TRIO: variants seen among roughly 807,000 people sequenced by gnomAD.
TRIO encodes trio Rho guanine nucleotide exchange factor, also known as triple functional domain protein.
TRIO carries 58 observed loss-of-function variants against 351.9 expected under a neutral mutation model. That is an observed-to-expected ratio of 0.16 (90% CI 0.13 to 0.21). The LOEUF (loss-of-function observed/expected upper bound fraction) is 0.21. Ranked by LOEUF, TRIO falls within the 10% of genes least tolerant of loss-of-function variation. The pLI is 1.00. For missense variants in TRIO, 3,201 were observed against 4,027.8 expected (o/e 0.79, Z 5.56); for synonymous variants, 1,758 against 1,595.7 (o/e 1.10, Z -2.42).
intron 1 of TRIO, among the ~76,000 whole-genome samples, chr5:14,182,823 A>G (rs1429580124): frequency 6.6e-6 from 1 of 151,476 alleles, no homozygotes; most frequent in East Asian, 2.0e-4. Flanking sequence ...CTGATTTTCC[A>G]GAGATTTCCT....
At chr5:14,251,864 A>G (rs1482066705) in intron 1 of TRIO, among the ~76,000 whole-genome samples, 4 of 152,008 alleles carry the variant, frequency 2.6e-5, no homozygotes, top group Non-Finnish European at 4.4e-5. Context: ...TTTTCTCTCT[A>G]CAACCTGAGA....
chr5:14,414,158 C>CTTCCCCGCCCTCGTTCCCTT (rs893188137), intron 33 of TRIO, among the ~76,000 whole-genome samples: 1 of 152,236 alleles, frequency 6.6e-6, no homozygotes, highest in Non-Finnish European at 1.5e-5. Flanking sequence ...CTGTTTGCCT[C>CTTCCCCGCCCTCGTTCCCTT]TTCCCCGCCC....
At chr5:14,285,872 G>C (rs1027264198) in intron 3 of TRIO, among the ~76,000 whole-genome samples, 5 of 152,150 alleles carry the variant, frequency 3.3e-5, no homozygotes, top group African/African-American at 1.2e-4. Context: ...CAGACTGTCA[G>C]AGACCCCTGT....
At chr5:14,281,520 G>C (rs1383243074) in intron 3 of TRIO, among the ~76,000 whole-genome samples, 1 of 150,300 alleles carries the variant, frequency 6.7e-6, no homozygotes, top group African/African-American at 2.5e-5. Flanking sequence ...TGGGGACACA[G>C]AGCCAGATCA....
At position 14,274,583 on chromosome 5, in the gene TRIO, G is replaced by A. The variant is rs539554815; in HGVS notation, c.232+3684G>A. 1.4e-4 allele frequency among the ~76,000 whole-genome samples: 22 copies of A among 152,150 alleles called. No homozygotes were observed. The South Asian group carries it at 1.9e-3, about 13-fold the overall frequency. ...TTTCATTTATTAACTTGGATATCCC[G>A]TAAAGAGAGATGTCCCATCACCACT... On this transcript the variant is annotated intron_variant, in intron 2 of 56. Transcript: ENST00000344204.
chr5:14,198,694 C>T (rs1346588517), intron 1 of TRIO, among the ~76,000 whole-genome samples: 3 of 152,150 alleles, frequency 2.0e-5, no homozygotes, highest in Admixed American at 6.5e-5. Context: ...ATTCTTAGAA[C>T]CTCTTGAGCC....
chr5:14,168,151 G>A (rs1165457465), intron 1 of TRIO, among the ~76,000 whole-genome samples: 2 of 152,188 alleles, frequency 1.3e-5, no homozygotes, highest in African/African-American at 4.8e-5. Context: ...AAAAATGGCG[G>A]TGTTCACAGG....
intron 33 of TRIO, among the ~76,000 whole-genome samples, chr5:14,407,151 G>A (rs1228872562): frequency 6.6e-6 from 1 of 152,168 alleles, no homozygotes; most frequent in East Asian, 1.9e-4. Context: ...CAGGGAGCAT[G>A]TGGGGAGAGA....
chr5:14,378,972 C>T (rs1745823518), intron 20 of TRIO, among the ~76,000 whole-genome samples: 1 of 152,186 alleles, frequency 6.6e-6, no homozygotes, highest in Non-Finnish European at 1.5e-5. Context: ...CCTGTATCAT[C>T]AGTCATGGAC....
At chr5:14,336,486 G>A in intron 10 of TRIO, 50 bp from the exon 11 acceptor site, 1 of 1,592,576 alleles carries the variant, frequency 6.3e-7, no homozygotes, top group Non-Finnish European at 8.6e-7. Flanking sequence ...CAGCCTGGCT[G>A]GTCTGCTTTT....
chr5:14,364,849 C>A (rs192683358), intron 15 of TRIO, 33 bp downstream of exon 15: 1 of 1,587,340 alleles, frequency 6.3e-7, no homozygotes, highest in Admixed American at 1.7e-5. Flanking sequence ...GGGGAGGCTG[C>A]GCTACAGATG....
chr5:14,373,904 G>A (rs1336249763), intron 18 of TRIO, among the ~76,000 whole-genome samples: 1 of 152,212 alleles, frequency 6.6e-6, no homozygotes, highest in Non-Finnish European at 1.5e-5. Flanking sequence ...CCAGGGTCAG[G>A]CCAGGTGTGC....
chr5:14,205,590 C>A (rs954798747), intron 1 of TRIO, among the ~76,000 whole-genome samples: 9 of 152,108 alleles, frequency 5.9e-5, no homozygotes, highest in African/African-American at 1.4e-4. Flanking sequence ...TATCATACTT[C>A]ATAATAACAT....
At chr5:14,471,599 C>A in intron 38 of TRIO, 133 bp downstream of exon 38, 1 of 1,203,756 alleles carries the variant, frequency 8.3e-7, no homozygotes, top group Non-Finnish European at 1.1e-6. Context: ...TAAGTAACTG[C>A]ACGTATGTAA....
intron 33 of TRIO, among the ~76,000 whole-genome samples, chr5:14,409,886 A>G (rs1331845102): frequency 6.7e-6 from 1 of 149,414 alleles, no homozygotes; most frequent in Non-Finnish European, 1.5e-5. Flanking sequence ...TGCCAGTTCC[A>G]CCATTGCCTC....
intron 41 of TRIO, among the ~76,000 whole-genome samples, chr5:14,478,533 A>G (rs1237342750): frequency 2.6e-5 from 4 of 151,926 alleles, no homozygotes; most frequent in African/African-American, 9.7e-5. Context: ...CTCATTGTCT[A>G]CATTTTTTTT....
intron 8 of TRIO, among the ~76,000 whole-genome samples, chr5:14,307,140 G>A (rs751867684): frequency 4.6e-5 from 7 of 152,166 alleles, no homozygotes; most frequent in Non-Finnish European, 8.8e-5. Flanking sequence ...GAATAGCACA[G>A]AGAACTCCCA....
At chr5:14,209,592 G>A (rs1191261329) in intron 1 of TRIO, among the ~76,000 whole-genome samples, 2 of 152,194 alleles carry the variant, frequency 1.3e-5, no homozygotes, top group Non-Finnish European at 2.9e-5. Context: ...CACTTGAGTT[G>A]ACTCTTCTGT....
At chr5:14,388,376 C>T (rs1055917769) in intron 23 of TRIO, among the ~76,000 whole-genome samples, 1 of 152,190 alleles carries the variant, frequency 6.6e-6, no homozygotes, top group Admixed American at 6.5e-5. Flanking sequence ...CAGATGTCCA[C>T]AGTGCCAGGT....
Sources: gnomAD v4.1 joint callset for allele counts (sites outside exome capture counted in the v4.1 genomes callset) on GRCh38, gnomAD v4.1.1 for gene constraint, MANE v1.5 for transcripts, NCBI Gene and HGNC (gene_info 2026-07-23, HGNC 2026-07-21) for gene names.